Variants in NEB observed in about 807,000 individuals in gnomAD.
The protein encoded by NEB is nemaline myopathy type 2.
Under a neutral mutation model 952.2 loss-of-function variants are expected in NEB, and 512 were observed. That is an observed-to-expected ratio of 0.54 (90% CI 0.50 to 0.58). NEB has a LOEUF of 0.58. Among genes scored for constraint, NEB ranks in the 20% least tolerant of loss-of-function variants. The pLI is 0.00. For missense variants in NEB, 8,428 were observed against 9,231.1 expected (o/e 0.91, Z 3.56); for synonymous variants, 2,900 against 3,149.8 (o/e 0.92, Z 2.66).
chr2:151,725,021 G>A, intron 6 of NEB, 60 bp from the exon 7 acceptor site: 1 of 1,313,000 alleles, frequency 7.6e-7, no homozygotes, highest in East Asian at 2.3e-5. Flanking sequence ...GTATATTAAG[G>A]AATTTCTTAT....
intron 13 of NEB, among the ~76,000 whole-genome samples, chr2:151,702,203 T>C (rs199527028): frequency 0.66 from 97,812 of 149,128 alleles, 36,671 homozygotes; most frequent in Non-Finnish European, 0.83. Flanking sequence ...TCCTGAGTTC[T>C]AGTTTGATTG....
Position 151,568,657 on chromosome 2 carries a change from A to T in NEB, c.17595T>A (p.Asp5865Glu). 6.2e-7 allele frequency: 1 copy of T among 1,610,222 alleles called. No homozygotes were observed. Among genetic ancestry groups the T allele is most frequent in the Non-Finnish European group, 8.5e-7 (1 of 1,178,150 alleles). The change falls in exon 111 of 182, where the codon GAT becomes GAA. Residue 5865 changes from aspartate (D) to glutamate (E), a missense_variant. Transcript: ENST00000397345. ...CGCCACTTTGTTTCGCTGTCACATA[A>T]TCAACTCTGTCATCCACAGGCGTAA... Reference protein sequence around the residue: ...LNFTPVDDRVDYVTAKQSGEI... With the variant: ...LNFTPVDDRVEYVTAKQSGEI...
chr2:151,516,511 A>G lies in NEB; in HGVS notation c.22853T>C (p.Phe7618Ser). 1 of 1,613,626 alleles carries G rather than the reference A, an allele frequency of 6.2e-7. No homozygotes were observed. ...GGCAGTGATGTACGTTGGTGTTTCA[A>G]AGTCCAGCATGGGTTTTCCTCGTTC... ...EKERGKPMLD[F>S]ETPTYITAKE... The change falls in exon 157 of 182, where the codon TTT becomes TCT. Residue 7618 changes from phenylalanine (F) to serine (S), a missense_variant. Around this residue, in one of 11 missense-constraint regions of NEB, gnomAD observed 3,374 missense variants for 3,651.5 expected, o/e 0.92. Transcript: ENST00000397345.
intron 117 of NEB, among the ~76,000 whole-genome samples, chr2:151,564,687 C>T (rs181820849): frequency 6.6e-6 from 1 of 152,250 alleles, no homozygotes; most frequent in East Asian, 1.9e-4. Context: ...TCCCTTTTCT[C>T]TATTGGTAGG....
chr2:151,540,201 T>C (rs2093850139), intron 138 of NEB, 143 bp downstream of exon 138: 1 of 447,166 alleles, frequency 2.2e-6, no homozygotes, highest in East Asian at 3.5e-5. Flanking sequence ...TTGGGCATTT[T>C]TTTTTCTCTT....
chr2:151,529,878 A>C (rs4233651), intron 145 of NEB, among the ~76,000 whole-genome samples: 97,500 of 151,876 alleles, frequency 0.64, 31,639 homozygotes, highest in East Asian at 0.78. Flanking sequence ...ACCAGTTGGA[A>C]CCCTATTCAT....
chr2:151,707,446 C>T (rs1441176267), intron 12 of NEB, among the ~76,000 whole-genome samples: 1 of 152,208 alleles, frequency 6.6e-6, no homozygotes, highest in Non-Finnish European at 1.5e-5. Flanking sequence ...GCTGGAAGTA[C>T]CACTAATCCA....
At chr2:151,591,130 GA>G (rs777077925) in intron 96 of NEB, among the ~76,000 whole-genome samples, 15,852 of 98,534 alleles carry the variant, frequency 0.16, 7 homozygotes, top group Non-Finnish European at 0.23. Context: ...ATATTGAAAA[GA>G]AAATCAAAAT....
rs1337349572 is a variant in NEB at position 151,614,560 on chromosome 2, G to A, written c.11317C>T (p.Gln3773Ter). 1.2e-6 allele frequency: 2 copies of A among 1,613,608 alleles called. No individual in the cohort carries two copies. Among genetic ancestry groups the A allele is most frequent in the Non-Finnish European group, 8.5e-7 (1 of 1,179,732 alleles). ...DYKYKEGYRK[Q>*]LGHHIGARNI... The stretch of plus-strand genomic sequence containing the variant: ...CGGGCCCCAATATGGTGGCCAAGCT[G>A]TTTGCGGTAGCCTTCCTTGTACTTG... Residue 3773 changes from glutamine to a stop codon, truncating the protein, a stop_gained, in exon 77 of 182, where the codon CAG becomes TAG. Coordinates refer to ENST00000397345, the MANE Select transcript of NEB (RefSeq NM_001164508.2). LOFTEE classifies it high-confidence loss of function.
At position 151,696,647 on chromosome 2, in the gene NEB, T is replaced by G. The variant is rs2099598879; in HGVS notation, c.1559A>C (p.Gln520Pro). ...GTTAGAGGAACTTACGTCACTCAGT[T>G]GTTTGGAATTGACTTGGGCTTGTAG... ...VLLQAQVNSK[Q>P]LSDLNYKAKH... Residue 520 changes from glutamine to proline, a missense_variant, in exon 17 of 182, where the codon CAA becomes CCA. Physicochemically the swap from Gln to Pro is moderately conservative, Grantham distance 76. Transcript: ENST00000397345. The G allele has an allele frequency of 6.2e-7, 1 of 1,612,934 alleles. No individual in the cohort carries two copies. Among genetic ancestry groups the G allele is most frequent in the South Asian group, 1.1e-5 (1 of 91,056 alleles).
At position 151,546,349 on chromosome 2, in the gene NEB, A is replaced by G; in HGVS notation, c.20462T>C (p.Leu6821Pro). The G allele has an allele frequency of 6.2e-7, 1 of 1,611,668 alleles. No individual in the cohort carries two copies. The highest frequency in any genetic ancestry group is 8.5e-7 in the Non-Finnish European group (1 of 1,178,760). ...ATTGTGATGATGTGCACTCACCCAGAGCTTCCGCAGGTGCCGGGAGCGGAC... is the reference window on the plus strand; with the variant it reads ...ATTGTGATGATGTGCACTCACCCAGGGCTTCCGCAGGTGCCGGGAGCGGAC... The part of the protein sequence containing the change: ...DMVRSRHLRK[L>P]WSNYLYTDKA... The change falls in exon 134 of 182, where the codon CTC becomes CCC. Residue 6821 changes from leucine (L) to proline (P), a missense_variant. By Grantham distance (98) the Leu-to-Pro change is moderately conservative (BLOSUM62 -3). Around this residue, in one of 11 missense-constraint regions of NEB, gnomAD observed 3,374 missense variants for 3,651.5 expected, o/e 0.92. Transcript: ENST00000397345.
chr2:151,665,940 T>C (rs921175454), intron 41 of NEB, 150 bp downstream of exon 41: 3 of 764,506 alleles, frequency 3.9e-6, no homozygotes, highest in Admixed American at 6.0e-5. Flanking sequence ...AAGCCACCTA[T>C]AGTTCAAATG....
chr2:151,652,989 G>T (rs898208725), intron 52 of NEB, among the ~76,000 whole-genome samples: 1 of 152,144 alleles, frequency 6.6e-6, no homozygotes, highest in African/African-American at 2.4e-5. Context: ...TGGAGAGTGG[G>T]TAATAATATA....
rs1558819247 is a variant in NEB at position 151,650,368 on chromosome 2, T to C, written c.7239A>G (p.Lys2413=). The change falls in exon 54 of 182, where the codon AAA becomes AAG. Residue 2413 remains lysine (K), a synonymous_variant. Coordinates refer to ENST00000397345, the MANE Select transcript of NEB (RefSeq NM_001164508.2). The stretch of plus-strand genomic sequence containing the variant: ...TGCCTCTCAGCCACTCAAGGTCAGA[T>C]TTATATAGATTCTGTGAAAAGACAG... ...VYELQSENLY[K]SDLEWLRGIG... is the part of the protein sequence containing the mutation. 1 of 1,613,662 alleles carries C rather than the reference T, an allele frequency of 6.2e-7. No homozygotes were observed. Among genetic ancestry groups the C allele is most frequent in the Non-Finnish European group, 8.5e-7 (1 of 1,179,672 alleles).
intron 111 of NEB, 25 bp downstream of exon 111, chr2:151,568,593 G>A: frequency 6.4e-7 from 1 of 1,561,162 alleles, no homozygotes; most frequent in Non-Finnish European, 8.8e-7. Flanking sequence ...ATCACTGTGA[G>A]ATTTTAAAAC....
chr2:151,528,004 ATTATAAAATT>A (rs1576350739), intron 146 of NEB, among the ~76,000 whole-genome samples: 1 of 152,242 alleles, frequency 6.6e-6, no homozygotes, highest in East Asian at 1.9e-4. Flanking sequence ...AATTAAATGA[ATTATAAAATT>A]TTATAAAATT....
At chr2:151,643,110 A>C in intron 58 of NEB, 40 bp downstream of exon 58, 2 of 1,568,334 alleles carry the variant, frequency 1.3e-6, no homozygotes, top group Non-Finnish European at 1.7e-6. Context: ...TCCATAAACA[A>C]AAAAAATTAA....
intron 153 of NEB, among the ~76,000 whole-genome samples, chr2:151,521,249 T>C (rs192653230): frequency 1.2e-4 from 18 of 152,214 alleles, no homozygotes; most frequent in Admixed American, 1.1e-3. Context: ...ATGCTGAGAC[T>C]CCTTTACTTT....
At chr2:151,707,286 C>T (rs539906629) in intron 12 of NEB, among the ~76,000 whole-genome samples, 3 of 152,212 alleles carry the variant, frequency 2.0e-5, no homozygotes, top group East Asian at 3.9e-4. Flanking sequence ...GGTCCTTGCC[C>T]TCAAAGAGAG....
Sources: allele counts gnomAD v4.1 joint callset (sites outside exome capture counted in the v4.1 genomes callset), GRCh38; gene constraint gnomAD v4.1.1; regional missense constraint gnomAD v4.1.1; transcripts MANE v1.5; gene names NCBI Gene and HGNC (gene_info 2026-07-23, HGNC 2026-07-21).